The following ITGA7 variants were observed in gnomAD, a reference collection of about 807,000 sequenced individuals.
The protein encoded by ITGA7 is integrin alpha-7.
In ITGA7, 84 loss-of-function variants were observed where a neutral mutation model predicts 131.6. The observed-to-expected ratio is 0.64, with a 90% confidence interval of 0.54 to 0.77. ITGA7 has a LOEUF of 0.77. Among genes scored for constraint, ITGA7 ranks in the 30% least tolerant of loss-of-function variants. The pLI is 0.00. For synonymous variants in ITGA7, 548 were observed against 600.7 expected, an observed-to-expected ratio of 0.91 and a Z score of 1.28; for missense variants, 1,399 against 1,482.9, an observed-to-expected ratio of 0.94 and a Z score of 0.93.
intron 12 of ITGA7, 21 bp downstream of exon 12, chr12:55,696,878 A>G: frequency 6.2e-7 from 1 of 1,613,606 alleles, no homozygotes; most frequent in Non-Finnish European, 8.5e-7. Flanking sequence ...GACCCTCAGA[A>G]GCCAAGGGGT....
At position 55,703,262 on chromosome 12, in the gene ITGA7, C is replaced by T. The variant is rs1874471004; in HGVS notation, c.207-84G>A. 4.2e-6 allele frequency: 6 copies of T among 1,441,940 alleles called. No homozygotes were observed. The South Asian group carries it at 6.1e-5, about 15-fold the overall frequency. The allele number at this position is 1,441,940 out of a possible 1,614,324, so 89.3% of individuals were successfully genotyped here. A position where few individuals can be genotyped will look rare whatever the true frequency, so the allele number is the denominator to read the frequency against. On this transcript the variant is annotated intron_variant, in intron 1 of 24. Coordinates refer to ENST00000257879, the MANE Select transcript of ITGA7 (RefSeq NM_002206.3). ...TCTCATTAGAGCTGCCCAGGCCCAA[C>T]CCCTCAGTACTAAAGAGAGTGTTCA... is the stretch of plus-strand genomic sequence containing the variant.
At chr12:55,713,084 A>G (rs889498309), upstream of ITGA7, among the ~76,000 whole-genome samples, 1 of 149,110 alleles carries the variant, frequency 6.7e-6, no homozygotes, top group Admixed American at 6.7e-5. Flanking sequence ...CCATGTCACC[A>G]TTATCTTGAC....
upstream of ITGA7, among the ~76,000 whole-genome samples, chr12:55,712,622 A>T (rs1876216594): frequency 6.6e-6 from 1 of 152,254 alleles, no homozygotes; most frequent in African/African-American, 2.4e-5. Flanking sequence ...GGTGAGCAGA[A>T]AGAGACTTCA....
upstream of ITGA7, chr12:55,707,959 G>A (rs902357087): frequency 2.3e-6 from 3 of 1,321,648 alleles, no homozygotes; most frequent in Admixed American, 1.1e-4. Flanking sequence ...CTCCGGCCCC[G>A]CCCCTCGCTC....
intron 24 of ITGA7, among the ~76,000 whole-genome samples, chr12:55,685,943 A>C (rs1364955248): frequency 1.3e-5 from 2 of 152,292 alleles, no homozygotes; most frequent in East Asian, 3.9e-4. Flanking sequence ...TGCCCATAGA[A>C]AAAAGCATGC....
chr12:55,694,565 C>T lies in ITGA7; in HGVS notation c.2278-43G>A, dbSNP rs11831381. 9.3e-3 allele frequency: 15,071 copies of T among 1,612,892 alleles called. 1,259 individuals carry two copies. In the African/African-American group the frequency reaches 0.18, roughly 19 times the overall value. ...AGAGATTAGAGTCAGGGGTGGTCTA[C>T]GGGCTTATGGAGAGGCTACTCACGT... On this transcript the variant is annotated intron_variant, in intron 16 of 24. Coordinates refer to ENST00000257879, the MANE Select transcript of ITGA7 (RefSeq NM_002206.3). This position sits in a 1 kb window ranked among gnomAD's most constrained non-coding sequence, Gnocchi z 5.3.
chr12:55,709,813 T>A (rs1875898649), upstream of ITGA7, among the ~76,000 whole-genome samples: 1 of 151,906 alleles, frequency 6.6e-6, no homozygotes, highest in African/African-American at 2.4e-5. Context: ...ATGCCAAGAA[T>A]CTGCTTCTGA....
chr12:55,689,649 A>C (rs1871001447), intron 21 of ITGA7, among the ~76,000 whole-genome samples: 1 of 152,232 alleles, frequency 6.6e-6, no homozygotes, highest in African/African-American at 2.4e-5. Flanking sequence ...TGTCTGAATT[A>C]TTTGAGTTAT....
chr12:55,693,104 T>A lies in ITGA7; in HGVS notation c.2712+37A>T, dbSNP rs1313235901. ...CTACCCTTACTCCCCATAACATCTG[T>A]CCCCACATCTAACCCCCACCCCCAC... On this transcript the variant is annotated intron_variant, in intron 20 of 24. Transcript: ENST00000257879. 3.7e-6 allele frequency: 6 copies of A among 1,611,846 alleles called. No individual in the cohort carries two copies. In the African/African-American group the frequency reaches 8.0e-5, roughly 22 times the overall value.
chr12:55,703,020 C>T (rs373871000), intron 2 of ITGA7, 31 bp downstream of exon 2: 11 of 1,613,914 alleles, frequency 6.8e-6, no homozygotes, highest in African/African-American at 1.3e-5. Context: ...CGCTCACACG[C>T]TTCCCCCACT....
Position 55,707,820 on chromosome 12 carries a change from G to GGCCCAGCCC in ITGA7, c.-139_-138insGGGCTGGGC. On this transcript the variant is annotated 5_prime_UTR_variant, in exon 1 of 25. Coordinates refer to ENST00000257879, the MANE Select transcript of ITGA7 (RefSeq NM_002206.3). ...CGTCTCCCAGACGTTCGCCCCGCCAGCCCTCCCGCCCGCCCGCCGCTCCGC... is the reference window on the plus strand; with the variant it reads ...CGTCTCCCAGACGTTCGCCCCGCCAGGCCCAGCCCCCCTCCCGCCCGCCCGCCGCTCCGC... 3.4e-6 allele frequency: 5 copies of GGCCCAGCCC among 1,455,774 alleles called. No individual in the cohort carries two copies. Among genetic ancestry groups the GGCCCAGCCC allele is most frequent in the Non-Finnish European group, 4.5e-6 (5 of 1,102,488 alleles). 90.2% of individuals were successfully genotyped at this position (1,455,774 alleles called of 1,614,324 possible). A position where few individuals can be genotyped will look rare whatever the true frequency, so the allele number is the denominator to read the frequency against.
chr12:55,700,769 G>T, intron 4 of ITGA7, 130 bp downstream of exon 4: 1 of 1,191,206 alleles, frequency 8.4e-7, no homozygotes, highest in Non-Finnish European at 1.2e-6. Flanking sequence ...GGGGTGGAAG[G>T]CATGGCAGTG....
At chr12:55,699,005 C>T in intron 5 of ITGA7, 88 bp from the exon 6 acceptor site, 2 of 1,284,554 alleles carry the variant, frequency 1.6e-6, no homozygotes, top group Non-Finnish European at 2.2e-6. Flanking sequence ...CTGCCCCCTC[C>T]CTACAGGTTA....
Position 55,697,118 on chromosome 12 carries a change from G to C in ITGA7, c.1568-50C>G, listed in dbSNP as rs765233823. The stretch of plus-strand genomic sequence containing the variant: ...GCTGCTGAGCTGCAGAGCTGCTCCA[G>C]CTCACCCCATTCCAAGGGTGCTCTT... On this transcript the variant is annotated intron_variant, in intron 11 of 24. Transcript: ENST00000257879. 1.7e-5 allele frequency: 27 copies of C among 1,597,940 alleles called. No individual in the cohort carries two copies. The East Asian group carries it at 5.9e-4, about 35-fold the overall frequency.
At chr12:55,709,680 C>A (rs960471296), upstream of ITGA7, among the ~76,000 whole-genome samples, 20 of 132,802 alleles carry the variant, frequency 1.5e-4, 1 homozygote, top group East Asian at 4.4e-3. Context: ...CTGCCCAGGT[C>A]CCCCCGCCCC....
In ITGA7 at chr12:55,688,035, A is replaced by T; in HGVS notation, c.3119T>A (p.Val1040Asp). 4.3e-6 allele frequency: 7 copies of T among 1,614,116 alleles called. No individual in the cohort carries two copies. The highest frequency in any genetic ancestry group is 5.9e-6 in the Non-Finnish European group (7 of 1,180,012). Residue 1040 changes from valine (V) to aspartate (D), a missense_variant, in exon 24 of 25, where the codon GTC becomes GAC. Transcript: ENST00000257879. ...CCCAGCCAGTACAGCCAGGAGGATG[A>T]CCCACCAGGGCACTCCTTCTGCCAC... Reference protein sequence around the residue: ...AVVAEGVPWWVILLAVLAGLL... With the variant: ...AVVAEGVPWWDILLAVLAGLL...
chr12:55,716,040 C>G (rs115612389), upstream of ITGA7: 30 of 1,544,442 alleles, frequency 1.9e-5, no homozygotes, highest in Non-Finnish European at 2.4e-5. Flanking sequence ...CGTGACACAG[C>G]GGTCACGTGA....
At chr12:55,710,217 C>G (rs1033023256), upstream of ITGA7, among the ~76,000 whole-genome samples, 1 of 151,920 alleles carries the variant, frequency 6.6e-6, no homozygotes, top group Non-Finnish European at 1.5e-5. Flanking sequence ...AAAAATTAGC[C>G]GGGTGTGGTG....
intron 1 of ITGA7, among the ~76,000 whole-genome samples, chr12:55,705,137 A>G (rs976315341): frequency 1.3e-5 from 2 of 152,192 alleles, no homozygotes; most frequent in African/African-American, 4.8e-5. Flanking sequence ...AAAAGTAGGG[A>G]GGAGGGGAGG....
Sources: gnomAD v4.1 joint callset for allele counts (sites outside exome capture counted in the v4.1 genomes callset) on GRCh38, gnomAD v4.1.1 for gene constraint, Gnocchi (gnomAD v3.1) non-coding constraint, MANE v1.5 for transcripts, NCBI Gene and HGNC (gene_info 2026-07-23, HGNC 2026-07-21) for gene names.